Variants in MACROD2 observed in about 807,000 individuals in gnomAD.
The protein encoded by MACROD2 is ADP-ribose glycohydrolase MACROD2.
Under a neutral mutation model 70.4 loss-of-function variants are expected in MACROD2, and 36 were observed. The ratio of observed to expected loss-of-function variants is 0.51; its 90% CI spans 0.39 to 0.68. MACROD2 has a LOEUF of 0.68. MACROD2 is among the 30% of genes least tolerant of loss of function. The pLI is 0.00. For missense variants in MACROD2, 496 were observed against 538.4 expected (o/e 0.92, Z 0.78); for synonymous variants, 172 against 178.8 (o/e 0.96, Z 0.30).
At chr20:15,155,242 AC>A (rs1455949992) in intron 5 of MACROD2, among the ~76,000 whole-genome samples, 1 of 149,642 alleles carries the variant, frequency 6.7e-6, no homozygotes, top group Non-Finnish European at 1.5e-5. Flanking sequence ...TCTTGTGGGC[AC>A]CCCTCTTTCC....
chr20:14,210,276 T>C (rs1214160060), intron 3 of MACROD2, among the ~76,000 whole-genome samples: 3 of 152,120 alleles, frequency 2.0e-5, no homozygotes, highest in Non-Finnish European at 4.4e-5. Context: ...CTTAAGTGAA[T>C]TGGACTAGAG....
At chr20:15,002,938 AAC>A (rs1266097820) in intron 5 of MACROD2, among the ~76,000 whole-genome samples, 1 of 152,164 alleles carries the variant, frequency 6.6e-6, no homozygotes, top group Admixed American at 6.5e-5. Context: ...GAAAGTAACA[AAC>A]ACACATTTTA....
chr20:14,266,567 C>T (rs1415084178), intron 3 of MACROD2, among the ~76,000 whole-genome samples: 1 of 151,992 alleles, frequency 6.6e-6, no homozygotes, highest in Non-Finnish European at 1.5e-5. Flanking sequence ...TTATATAGAT[C>T]TACTAGATAA....
chr20:14,248,115 T>TA (rs1304459880), intron 3 of MACROD2, among the ~76,000 whole-genome samples: 8 of 152,274 alleles, frequency 5.3e-5, no homozygotes, highest in Non-Finnish European at 7.4e-5. Flanking sequence ...GTTAAGTACT[T>TA]ATATCTGACT....
At chr20:15,153,537 C>G (rs1357524141) in intron 5 of MACROD2, among the ~76,000 whole-genome samples, 2 of 152,108 alleles carry the variant, frequency 1.3e-5, no homozygotes, top group East Asian at 3.9e-4. Flanking sequence ...ATTAGTGTAA[C>G]TTCCTAGATA....
At chr20:15,494,217 A>T (rs900069814) in intron 7 of MACROD2, among the ~76,000 whole-genome samples, 2 of 152,226 alleles carry the variant, frequency 1.3e-5, no homozygotes, top group African/African-American at 4.8e-5. Context: ...ATCATTTTAC[A>T]CTTTCATATA....
chr20:14,045,721 G>A (rs1225711370), intron 2 of MACROD2, among the ~76,000 whole-genome samples: 1 of 152,106 alleles, frequency 6.6e-6, no homozygotes, highest in Non-Finnish European at 1.5e-5. Flanking sequence ...AAATTACTAG[G>A]TAAGACAATG....
At chr20:14,373,322 T>C (rs62207611) in intron 3 of MACROD2, among the ~76,000 whole-genome samples, 220 of 152,306 alleles carry the variant, frequency 1.4e-3, no homozygotes, top group Non-Finnish European at 2.7e-3. Context: ...TAATATGAGA[T>C]GAAATGTAAT....
chr20:15,018,222 A>G (rs1215416115), intron 5 of MACROD2, among the ~76,000 whole-genome samples: 1 of 152,178 alleles, frequency 6.6e-6, no homozygotes, highest in Non-Finnish European at 1.5e-5. Flanking sequence ...ACCTTAAATT[A>G]TCTCTCAAGT....
chr20:15,234,899 TTTTG>T (rs1442666603), intron 6 of MACROD2, among the ~76,000 whole-genome samples: 3 of 152,224 alleles, frequency 2.0e-5, no homozygotes, highest in Non-Finnish European at 4.4e-5. Context: ...TCTTTATTCT[TTTTG>T]TTTGTGAGCA....
chr20:15,467,221 A>G (rs1229334806), intron 7 of MACROD2, among the ~76,000 whole-genome samples: 3 of 152,196 alleles, frequency 2.0e-5, no homozygotes, highest in African/African-American at 7.2e-5. Flanking sequence ...ATAAGTACCC[A>G]TCTCCTTTGC....
At chr20:14,258,810 CTA>C (rs1432671605) in intron 3 of MACROD2, among the ~76,000 whole-genome samples, 7 of 152,060 alleles carry the variant, frequency 4.6e-5, no homozygotes, top group Admixed American at 4.6e-4. Flanking sequence ...AGAGTTTTAC[CTA>C]TGTTATCTTC....
chr20:14,423,249 G>GT (rs926151550), intron 3 of MACROD2, among the ~76,000 whole-genome samples: 69 of 151,526 alleles, frequency 4.6e-4, no homozygotes, highest in Admixed American at 1.1e-3. Context: ...TCGAAGATAG[G>GT]TTTTTTTTTG....
chr20:14,055,317 G>A (rs1049796761), intron 2 of MACROD2, among the ~76,000 whole-genome samples: 2 of 151,744 alleles, frequency 1.3e-5, no homozygotes, highest in African/African-American at 4.8e-5. Context: ...CATAGTCTTT[G>A]CAATGCCGCC....
chr20:15,052,222 T>C (rs2075448152), intron 5 of MACROD2, among the ~76,000 whole-genome samples: 1 of 152,192 alleles, frequency 6.6e-6, no homozygotes, highest in East Asian at 1.9e-4. Context: ...TGTGTGCTCC[T>C]TGAGGTTCCA....
At chr20:16,046,692 T>TC (rs1276932456) in intron 17 of MACROD2, among the ~76,000 whole-genome samples, 44 of 146,428 alleles carry the variant, frequency 3.0e-4, no homozygotes, top group African/African-American at 1.1e-3. Context: ...TTTTTTTTTT[T>TC]TTTTTTGAGA....
chr20:15,218,447 A>G (rs1178500771), intron 5 of MACROD2, among the ~76,000 whole-genome samples: 1 of 152,200 alleles, frequency 6.6e-6, no homozygotes, highest in Admixed American at 6.5e-5. Flanking sequence ...TTCATTCTGC[A>G]AAGGAGTAAG....
chr20:15,961,192 A>G (rs1240008228), intron 12 of MACROD2, among the ~76,000 whole-genome samples: 2 of 152,182 alleles, frequency 1.3e-5, no homozygotes, highest in Non-Finnish European at 2.9e-5. Flanking sequence ...AAGTAAGCAC[A>G]TGGGGGAATG....
chr20:14,481,737 G>C (rs1159416066), intron 3 of MACROD2, among the ~76,000 whole-genome samples: 1 of 152,182 alleles, frequency 6.6e-6, no homozygotes, highest in Non-Finnish European at 1.5e-5. Flanking sequence ...GGATTGAATA[G>C]TTACTTACCA....
Sources: allele counts gnomAD v4.1 joint callset (sites outside exome capture counted in the v4.1 genomes callset), GRCh38; gene constraint gnomAD v4.1.1; transcripts MANE v1.5; gene names NCBI Gene and HGNC (gene_info 2026-07-23, HGNC 2026-07-21).